Variants in GRID2 observed in about 807,000 individuals in gnomAD.
The protein encoded by GRID2 is glutamate receptor ionotropic, delta-2.
In GRID2, 33 loss-of-function variants were observed where a neutral mutation model predicts 114.8. That is an observed-to-expected ratio of 0.29 (90% confidence interval 0.22 to 0.38). The LOEUF (loss-of-function observed/expected upper bound fraction) is 0.38, where lower values mean the gene tolerates loss of function less well. GRID2 is among the 10% of genes least tolerant of loss of function. The probability of loss-of-function intolerance (pLI) is 1.00; values close to 1 mark genes in which losing one functional copy is unlikely to be tolerated. For synonymous variants in GRID2, 505 were observed against 449.9 expected (o/e 1.12, Z -1.55); for missense variants, 1,184 against 1,257.7 (o/e 0.94, Z 0.89).
At chr4:92,676,244 T>A (rs55746378) in intron 2 of GRID2, among the ~76,000 whole-genome samples, 16,926 of 39,540 alleles carry the variant, frequency 0.43, 1,301 homozygotes, top group South Asian at 0.52. Context: ...GCAGTGGCGC[T>A]ATCTCGGCTC....
intron 2 of GRID2, among the ~76,000 whole-genome samples, chr4:92,636,788 G>A (rs6532378): frequency 0.4 from 60,760 of 151,768 alleles, 12,923 homozygotes; most frequent in African/African-American, 0.56. Context: ...ACACATCACA[G>A]TTGAACAAGC....
At chr4:92,791,681 T>A (rs1739599768) in intron 2 of GRID2, among the ~76,000 whole-genome samples, 1 of 151,894 alleles carries the variant, frequency 6.6e-6, no homozygotes, top group African/African-American at 2.4e-5. Context: ...GTTTCATGAT[T>A]ATAATGAAAT....
At chr4:93,520,958 G>A (rs1485240365) in intron 13 of GRID2, among the ~76,000 whole-genome samples, 1 of 152,092 alleles carries the variant, frequency 6.6e-6, no homozygotes, top group African/African-American at 2.4e-5. Context: ...TTAGTGAGGA[G>A]GCCACTGTAA....
chr4:92,879,312 A>G (rs1414728778), intron 2 of GRID2, among the ~76,000 whole-genome samples: 1 of 152,178 alleles, frequency 6.6e-6, no homozygotes, highest in East Asian at 1.9e-4. Context: ...GTTGACTGAC[A>G]CCAATAAAAT....
intron 3 of GRID2, among the ~76,000 whole-genome samples, chr4:93,087,865 C>T (rs1730462288): frequency 6.6e-6 from 1 of 152,060 alleles, no homozygotes; most frequent in Non-Finnish European, 1.5e-5. Flanking sequence ...ATACCTTGTA[C>T]TTTGAAGAGG....
In GRID2 at chr4:92,387,193, A is replaced by C. The variant is rs1195181423; in HGVS notation, c.88+82449A>C. ...AAAGTAAGGAATTTCCCATGGTTTT[A>C]AGAACATCTTAACTCTAGAAACACA... On this transcript the variant is annotated intron_variant, in intron 1 of 15. Transcript: ENST00000282020. Among the ~76,000 whole-genome samples, 17 of 151,946 alleles carry C rather than the reference A, an allele frequency of 1.1e-4. No individual in the cohort carries two copies. In the Admixed American group the frequency reaches 1.1e-3, roughly 10 times the overall value.
At chr4:92,501,721 G>A (rs6835155) in intron 1 of GRID2, among the ~76,000 whole-genome samples, 1,642 of 152,206 alleles carry the variant, frequency 0.011, 27 homozygotes, top group African/African-American at 0.038. Context: ...TACTAGGTCG[G>A]AGTGTACTAA....
chr4:93,104,049 G>C (rs138288478), intron 3 of GRID2, among the ~76,000 whole-genome samples: 1 of 151,726 alleles, frequency 6.6e-6, no homozygotes, highest in Non-Finnish European at 1.5e-5. Flanking sequence ...TTCTCTCCCC[G>C]GCTAGTAGTC....
At chr4:92,842,188 G>T (rs1376415330) in intron 2 of GRID2, among the ~76,000 whole-genome samples, 1 of 152,170 alleles carries the variant, frequency 6.6e-6, no homozygotes, top group East Asian at 1.9e-4. Context: ...TTAGGGTTTT[G>T]GTGCTACTGT....
intron 1 of GRID2, among the ~76,000 whole-genome samples, chr4:92,322,598 C>G (rs1726370980): frequency 6.6e-6 from 1 of 152,006 alleles, no homozygotes. Flanking sequence ...GTGAAAAAGA[C>G]ACATTTGGAC....
chr4:92,590,311 G>T (rs942735898), intron 2 of GRID2, 25 bp downstream of exon 2: 25 of 1,560,628 alleles, frequency 1.6e-5, no homozygotes, highest in African/African-American at 9.6e-5. Flanking sequence ...ATTTATTTTG[G>T]TTTTTTGGTT....
Position 93,619,961 on chromosome 4 carries a change from C to A in GRID2, c.2194-6308C>A, listed in dbSNP as rs187798421. On this transcript the variant is annotated intron_variant, in intron 13 of 15. Coordinates refer to ENST00000282020, the MANE Select transcript of GRID2 (RefSeq NM_001510.4). ...TTTTGCATTCCTATGGAGAATCTCC[C>A]AGAAATTTATATTTAATGTAGTGCA... is the stretch of plus-strand genomic sequence containing the variant. Among the ~76,000 whole-genome samples, 21 of 152,254 alleles carry A rather than the reference C, an allele frequency of 1.4e-4. 1 individual carries two copies. Among genetic ancestry groups the A allele is most frequent in the East Asian group, 7.7e-4 (4 of 5,168 alleles).
chr4:92,508,379 A>G (rs1410717751), intron 1 of GRID2, among the ~76,000 whole-genome samples: 3 of 151,952 alleles, frequency 2.0e-5, no homozygotes, highest in African/African-American at 7.2e-5. Flanking sequence ...GTAAATACTG[A>G]TAGGACATAT....
At chr4:93,383,381 A>G (rs1238416659) in intron 8 of GRID2, among the ~76,000 whole-genome samples, 1 of 152,194 alleles carries the variant, frequency 6.6e-6, no homozygotes, top group Non-Finnish European at 1.5e-5. Context: ...GCTGCCTGCC[A>G]TTGGACTAAG....
intron 8 of GRID2, among the ~76,000 whole-genome samples, chr4:93,384,790 C>T (rs11937272): frequency 0.18 from 27,601 of 152,022 alleles, 4,659 homozygotes; most frequent in African/African-American, 0.45. Flanking sequence ...GTACTGACCT[C>T]CTTTTTAAAA....
intron 14 of GRID2, among the ~76,000 whole-genome samples, chr4:93,656,167 A>AT (rs778764260): frequency 3.4e-4 from 51 of 152,002 alleles, no homozygotes; most frequent in Non-Finnish European, 6.3e-4. Context: ...GGAGTCAATT[A>AT]TTTTTTCTGA....
chr4:92,872,306 T>C (rs893260149), intron 2 of GRID2, among the ~76,000 whole-genome samples: 1 of 152,110 alleles, frequency 6.6e-6, no homozygotes, highest in African/African-American at 2.4e-5. Context: ...AGAAGACATA[T>C]AAATGGCAAT....
chr4:93,021,384 A>G (rs1306733159), intron 2 of GRID2, among the ~76,000 whole-genome samples: 1 of 150,362 alleles, frequency 6.7e-6, no homozygotes, highest in Non-Finnish European at 1.5e-5. Context: ...AGAGATCTAT[A>G]TTATAAATGT....
chr4:93,542,130 G>A (rs182094820), intron 13 of GRID2, among the ~76,000 whole-genome samples: 2 of 152,212 alleles, frequency 1.3e-5, no homozygotes, highest in African/African-American at 4.8e-5. Context: ...ACTTCAGATT[G>A]TCTGTTTCCT....
Sources: allele counts gnomAD v4.1 joint callset (sites outside exome capture counted in the v4.1 genomes callset), GRCh38; gene constraint gnomAD v4.1.1; transcripts MANE v1.5; gene names NCBI Gene and HGNC (gene_info 2026-07-23, HGNC 2026-07-21).